The following CDK6 variants were observed in gnomAD, a reference collection of about 807,000 sequenced individuals.
CDK6 encodes cyclin-dependent kinase 6.
A neutral mutation model predicts 37.1 loss-of-function variants in CDK6; 6 were observed. The observed-to-expected ratio is 0.16, with a 90% CI of 0.09 to 0.32. The LOEUF is 0.32. CDK6 is among the 10% of genes least tolerant of loss of function. The probability of loss-of-function intolerance (pLI) is 1.00; values close to 1 mark genes in which losing one functional copy is unlikely to be tolerated. For synonymous variants in CDK6, 160 were observed against 161.3 expected, an observed-to-expected ratio of 0.99 and a Z score of 0.06; for missense variants, 224 against 418.9, an observed-to-expected ratio of 0.53 and a Z score of 4.06.
chr7:92,713,319 G>GTAAA (rs1562944052), intron 4 of CDK6, among the ~76,000 whole-genome samples: 2 of 152,014 alleles, frequency 1.3e-5, no homozygotes, highest in African/African-American at 4.8e-5. Flanking sequence ...TCTTAATCTA[G>GTAAA]TAAATCATAT....
intron 2 of CDK6, among the ~76,000 whole-genome samples, chr7:92,821,956 T>C (rs577252692): frequency 1.3e-5 from 2 of 152,140 alleles, no homozygotes; most frequent in African/African-American, 4.8e-5. Flanking sequence ...GGAATGCATG[T>C]CAATATTTTA....
chr7:92,762,532 C>T (rs1584061639), intron 3 of CDK6, among the ~76,000 whole-genome samples: 1 of 151,488 alleles, frequency 6.6e-6, no homozygotes, highest in East Asian at 1.9e-4. Context: ...AAAATTTTAA[C>T]AAGTGTTTAT....
chr7:92,774,279 T>TTATACAATCATAA (rs1799788690), intron 3 of CDK6, among the ~76,000 whole-genome samples: 1 of 152,190 alleles, frequency 6.6e-6, no homozygotes. Flanking sequence ...CCCGGAGTTA[T>TTATACAATCATAA]TATACAATCA....
intron 4 of CDK6, among the ~76,000 whole-genome samples, chr7:92,688,581 T>TCTCACACACA (rs1491483768): frequency 2.4e-5 from 3 of 127,506 alleles, no homozygotes; most frequent in East Asian, 2.3e-4. Flanking sequence ...TACATATACA[T>TCTCACACACA]CACACACACA....
chr7:92,677,461 T>TA (rs988155944), intron 4 of CDK6, among the ~76,000 whole-genome samples: 301 of 151,492 alleles, frequency 2.0e-3, no homozygotes, highest in African/African-American at 7.0e-3. Flanking sequence ...CTACTAAAAA[T>TA]AAAAAAAATT....
At chr7:92,736,456 G>A (rs1798789467) in intron 3 of CDK6, among the ~76,000 whole-genome samples, 1 of 152,172 alleles carries the variant, frequency 6.6e-6, no homozygotes, top group Admixed American at 6.5e-5. Context: ...GACCACAAAT[G>A]GCACAAGAGC....
chr7:92,679,042 G>T (rs1236023237), intron 4 of CDK6, among the ~76,000 whole-genome samples: 1 of 152,186 alleles, frequency 6.6e-6, no homozygotes, highest in African/African-American at 2.4e-5. Context: ...AACTGACTGC[G>T]AGTAAGACTC....
intron 5 of CDK6, among the ~76,000 whole-genome samples, chr7:92,654,568 T>C (rs1796647542): frequency 6.6e-6 from 1 of 152,174 alleles, no homozygotes; most frequent in Non-Finnish European, 1.5e-5. Context: ...TTACTAAATA[T>C]CCCATTCTTC....
At chr7:92,644,304 C>T (rs1796389567) in intron 5 of CDK6, among the ~76,000 whole-genome samples, 1 of 152,090 alleles carries the variant, frequency 6.6e-6, no homozygotes, top group African/African-American at 2.4e-5. Flanking sequence ...CAGAAGCTCC[C>T]CATGGATATA....
intron 4 of CDK6, 111 bp downstream of exon 4, chr7:92,725,515 T>A (rs914822613): frequency 8.3e-7 from 1 of 1,211,002 alleles, no homozygotes; most frequent in Admixed American, 2.5e-5. Context: ...AGACATTCTA[T>A]CCACCAACTA....
intron 5 of CDK6, among the ~76,000 whole-genome samples, chr7:92,651,322 A>G (rs1244239304): frequency 6.6e-6 from 1 of 152,220 alleles, no homozygotes; most frequent in Non-Finnish European, 1.5e-5. Flanking sequence ...TAACAAATTC[A>G]TAGTGTTTAG....
chr7:92,680,549 T>A (rs577040758), intron 4 of CDK6, among the ~76,000 whole-genome samples: 2 of 150,934 alleles, frequency 1.3e-5, no homozygotes, highest in South Asian at 4.2e-4. Flanking sequence ...TTTTGACATA[T>A]GGCAAAAAAA....
chr7:92,779,808 A>G (rs1451274043), intron 2 of CDK6, among the ~76,000 whole-genome samples: 1 of 152,200 alleles, frequency 6.6e-6, no homozygotes, highest in Non-Finnish European at 1.5e-5. Flanking sequence ...ATTAGTCACA[A>G]TGGGTAGGAA....
At position 92,614,900 on chromosome 7, in the gene CDK6, G is replaced by T; in HGVS notation, c.*240C>A. On this transcript the variant is annotated 3_prime_UTR_variant, in exon 8 of 8. Transcript: ENST00000424848. ...TTCTCTTCTTCTGGAATTTTTCCAG[G>T]TTCTTGAAACAAACAGACAAACAAA... 1 of 429,842 alleles carries T rather than the reference G, an allele frequency of 2.3e-6. No homozygotes were observed. The highest frequency in any genetic ancestry group is 6.4e-5 in the South Asian group (1 of 15,678). 26.6% of individuals were successfully genotyped at this position (429,842 alleles called of 1,614,324 possible). A position where few individuals can be genotyped will look rare whatever the true frequency, so the allele number is the denominator to read the frequency against.
chr7:92,801,454 G>C (rs1308703948), intron 2 of CDK6, among the ~76,000 whole-genome samples: 1 of 152,098 alleles, frequency 6.6e-6, no homozygotes, highest in Admixed American at 6.5e-5. Flanking sequence ...TAAAGCTAGA[G>C]GTCATCAAGC....
chr7:92,687,512 G>T (rs752487560), intron 4 of CDK6, among the ~76,000 whole-genome samples: 7 of 152,186 alleles, frequency 4.6e-5, no homozygotes, highest in Non-Finnish European at 1.0e-4. Flanking sequence ...ATGTGTTTGT[G>T]TAATTCTGAA....
At position 92,672,242 on chromosome 7, in the gene CDK6, C is replaced by CACACACACACACACACAT. The variant is rs1374477819; in HGVS notation, c.538-708_538-707insATGTGTGTGTGTGTGTGT. On this transcript the variant is annotated intron_variant, in intron 4 of 7. Transcript: ENST00000424848. ...ACACACACACACACACACACACACA[C>CACACACACACACACACAT]ATATATGAAGATGGTGCCAGGGCTG... is the stretch of plus-strand genomic sequence containing the variant. Among the ~76,000 whole-genome samples, 164 of 116,486 alleles carry CACACACACACACACACAT rather than the reference C, an allele frequency of 1.4e-3. 4 individuals are homozygous for CACACACACACACACACAT. The highest frequency in any genetic ancestry group is 6.1e-3 in the African/African-American group (141 of 23,098). The allele number at this position is 116,486 out of a possible 152,430, so 76.4% of individuals were successfully genotyped here.
At chr7:92,636,837 G>GT (rs1796184093) in intron 5 of CDK6, among the ~76,000 whole-genome samples, 1 of 151,966 alleles carries the variant, frequency 6.6e-6, no homozygotes, top group African/African-American at 2.4e-5. Flanking sequence ...ACTAATTTTT[G>GT]TATTTTTAGT....
At chr7:92,629,111 G>T (rs1316692883) in intron 5 of CDK6, among the ~76,000 whole-genome samples, 1 of 151,998 alleles carries the variant, frequency 6.6e-6, no homozygotes, top group Non-Finnish European at 1.5e-5. Context: ...TAATGACAAG[G>T]AAAGACCGTG....
Sources: allele counts gnomAD v4.1 joint callset (sites outside exome capture counted in the v4.1 genomes callset), GRCh38; gene constraint gnomAD v4.1.1; transcripts MANE v1.5; gene names NCBI Gene and HGNC (gene_info 2026-07-23, HGNC 2026-07-21).